The following FRMD4A variants were observed in gnomAD, a reference collection of about 807,000 sequenced individuals.
FRMD4A encodes the protein FERM domain-containing protein 4A.
In FRMD4A, 29 loss-of-function variants were observed where a neutral mutation model predicts 129.1. That is an observed-to-expected ratio of 0.22 (90% CI 0.17 to 0.31). FRMD4A has a LOEUF of 0.31. FRMD4A is among the 10% of genes least tolerant of loss of function. FRMD4A has a pLI of 1.00. For missense variants in FRMD4A, 1,272 were observed against 1,375.8 expected (o/e 0.92, Z 1.19); for synonymous variants, 634 against 571.6 (o/e 1.11, Z -1.56).
At chr10:14,316,524 A>AAAAAAAAAAG (rs556192567) in intron 2 of FRMD4A, among the ~76,000 whole-genome samples, 6 of 132,606 alleles carry the variant, frequency 4.5e-5, no homozygotes, top group Non-Finnish European at 8.1e-5. Flanking sequence ...AAAAAAAAAA[A>AAAAAAAAAAG]AAGAAGAAGA....
At chr10:14,126,725 A>T (rs1838861632) in intron 2 of FRMD4A, among the ~76,000 whole-genome samples, 1 of 152,222 alleles carries the variant, frequency 6.6e-6, no homozygotes, top group Non-Finnish European at 1.5e-5. Flanking sequence ...TATAATCTGA[A>T]TCACCTTGCA....
chr10:14,029,054 ACT>A (rs1435422335), intron 2 of FRMD4A, among the ~76,000 whole-genome samples: 1 of 152,098 alleles, frequency 6.6e-6, no homozygotes, highest in Non-Finnish European at 1.5e-5. Flanking sequence ...TCAGTGACAC[ACT>A]CTATACGGTA....
intron 15 of FRMD4A, chr10:13,685,351 T>A (rs2084971722): frequency 1.0e-6 from 1 of 984,692 alleles, no homozygotes; most frequent in South Asian, 4.7e-5. Context: ...AAATGTAATT[T>A]AACAGAGAGA....
At chr10:14,280,004 A>G (rs1292853159) in intron 2 of FRMD4A, among the ~76,000 whole-genome samples, 1 of 152,202 alleles carries the variant, frequency 6.6e-6, no homozygotes, top group Non-Finnish European at 1.5e-5. Flanking sequence ...TCCTGACTTC[A>G]ATTTCTTATC....
rs142760048 is a variant in FRMD4A, at chr10:14,078,078, C to T, written c.46-219166G>A. The stretch of plus-strand genomic sequence containing the variant: ...ACCCTGGCTTCAATAATTAATGACC[C>T]TGTTATTAGATTTCTGAGGCAGACA... On this transcript the variant is annotated intron_variant, in intron 2 of 24. Coordinates refer to ENST00000357447, the MANE Select transcript of FRMD4A (RefSeq NM_018027.5). Among the ~76,000 whole-genome samples, 33 of 152,292 alleles carry T rather than the reference C, an allele frequency of 2.2e-4. 1 individual carries two copies. The East Asian group carries it at 5.8e-3, about 27-fold the overall frequency.
intron 2 of FRMD4A, among the ~76,000 whole-genome samples, chr10:14,056,826 G>A (rs1448592427): frequency 1.3e-5 from 2 of 152,200 alleles, no homozygotes; most frequent in Non-Finnish European, 2.9e-5. Context: ...AAACGAGCTT[G>A]TGTTATAGTT....
intron 3 of FRMD4A, among the ~76,000 whole-genome samples, chr10:13,857,319 C>A (rs1238756286): frequency 2.6e-5 from 4 of 151,796 alleles, no homozygotes; most frequent in Non-Finnish European, 4.4e-5. Flanking sequence ...ATTACCATAA[C>A]TTAGAAAATG....
intron 2 of FRMD4A, among the ~76,000 whole-genome samples, chr10:13,980,033 G>A (rs778180173): frequency 9.9e-5 from 15 of 152,232 alleles, no homozygotes; most frequent in Non-Finnish European, 1.9e-4. Context: ...GGGACCTGAT[G>A]AATGGGAATG....
chr10:13,768,582 G>T (rs1250416272), intron 6 of FRMD4A, among the ~76,000 whole-genome samples: 2 of 152,180 alleles, frequency 1.3e-5, no homozygotes, highest in African/African-American at 4.8e-5. Context: ...AAGCCACCAA[G>T]CGTTTTCCTA....
chr10:13,937,791 G>A lies in FRMD4A; in HGVS notation c.46-78879C>T, dbSNP rs190542995. Among the ~76,000 whole-genome samples the A allele has an allele frequency of 8.6e-4, 131 of 152,286 alleles. 1 individual carries two copies. Among genetic ancestry groups the A allele is most frequent in the Admixed American group, 3.7e-3 (56 of 15,298 alleles). On this transcript the variant is annotated intron_variant, in intron 2 of 24. Coordinates refer to ENST00000357447, the MANE Select transcript of FRMD4A (RefSeq NM_018027.5). ...AGAACAGTTAGTACCACGTGTGTTC[G>A]CAAGCATTTATCAGTAGACAAATCT...
chr10:14,038,984 C>T (rs1243039058), intron 2 of FRMD4A, among the ~76,000 whole-genome samples: 1 of 152,084 alleles, frequency 6.6e-6, no homozygotes, highest in East Asian at 1.9e-4. Context: ...GTGTGGACAC[C>T]GTTAATTTCT....
chr10:13,697,536 G>C (rs1416287702), intron 14 of FRMD4A, among the ~76,000 whole-genome samples: 1 of 152,170 alleles, frequency 6.6e-6, no homozygotes, highest in African/African-American at 2.4e-5. Context: ...GTCGGGGAGA[G>C]TCTCTCTTTG....
rs182333926 is a variant in FRMD4A, at chr10:13,752,464, A to G, written c.465-4645T>C. ...TAAAAAACCTGGAAATAACTTTTTC[A>G]AGAAAGTCCCCCTGGGTCAAATGAG... is the stretch of plus-strand genomic sequence containing the variant. On this transcript the variant is annotated intron_variant, in intron 8 of 24. Coordinates refer to ENST00000357447, the MANE Select transcript of FRMD4A (RefSeq NM_018027.5). Among the ~76,000 whole-genome samples the G allele has an allele frequency of 1.1e-3, 165 of 152,380 alleles. 2 individuals are homozygous for G. The highest frequency in any genetic ancestry group is 3.8e-3 in the African/African-American group (160 of 41,590).
chr10:13,761,523 T>G (rs1392825095), intron 8 of FRMD4A, 124 bp downstream of exon 8: 13 of 703,278 alleles, frequency 1.8e-5, no homozygotes, highest in Non-Finnish European at 2.5e-6. Context: ...GAGAGTTAGA[T>G]CTCATCATTA....
At chr10:13,888,775 T>C (rs1357061180) in intron 2 of FRMD4A, among the ~76,000 whole-genome samples, 1 of 152,242 alleles carries the variant, frequency 6.6e-6, no homozygotes, top group Non-Finnish European at 1.5e-5. Context: ...GACTCAGACA[T>C]TCTAATACTC....
At chr10:14,151,716 C>G (rs1418562487) in intron 2 of FRMD4A, among the ~76,000 whole-genome samples, 1 of 152,166 alleles carries the variant, frequency 6.6e-6, no homozygotes, top group African/African-American at 2.4e-5. Flanking sequence ...TCCTGCAGCC[C>G]TTTCTGCCTT....
intron 2 of FRMD4A, among the ~76,000 whole-genome samples, chr10:14,086,482 G>A (rs1001847271): frequency 2.6e-5 from 4 of 152,182 alleles, no homozygotes; most frequent in Non-Finnish European, 5.9e-5. Context: ...TGCTTGGTAA[G>A]TGGAACATAG....
At chr10:13,899,965 T>C (rs2094800471) in intron 2 of FRMD4A, among the ~76,000 whole-genome samples, 1 of 152,186 alleles carries the variant, frequency 6.6e-6, no homozygotes, top group African/African-American at 2.4e-5. Context: ...ATTTTCTGTG[T>C]TTATAGTGAA....
Position 14,315,103 on chromosome 10 carries a change from C to T in FRMD4A, c.45+14955G>A, listed in dbSNP as rs77007054. On this transcript the variant is annotated intron_variant, in intron 2 of 24. Transcript: ENST00000357447. ...ACCTTTCTGACTGTTCCTTTCTTTG[C>T]CTTTTTTACGGACTCTCCTTCCACT... is the stretch of plus-strand genomic sequence containing the variant. Among the ~76,000 whole-genome samples, 1,212 of 152,172 alleles carry T rather than the reference C, an allele frequency of 8.0e-3. 14 individuals carry two copies. Among genetic ancestry groups the T allele is most frequent in the African/African-American group, 0.022 (934 of 41,516 alleles).
Sources: gnomAD v4.1 joint callset for allele counts (sites outside exome capture counted in the v4.1 genomes callset) on GRCh38, gnomAD v4.1.1 for gene constraint, MANE v1.5 for transcripts, NCBI Gene and HGNC (gene_info 2026-07-23, HGNC 2026-07-21) for gene names.